Variants in NUP98 observed in about 807,000 individuals in gnomAD.
NUP98 encodes nucleoporin 98 and 96 precursor.
NUP98 carries 26 observed loss-of-function variants against 191.9 expected under a neutral mutation model. That is an observed-to-expected ratio of 0.14 (90% confidence interval 0.10 to 0.19). The LOEUF (loss-of-function observed/expected upper bound fraction) is 0.19. Ranked by LOEUF, NUP98 falls within the 10% of genes least tolerant of loss-of-function variation. The pLI, the probability that NUP98 is intolerant of heterozygous loss-of-function variation, is 1.00. For synonymous variants in NUP98, 808 were observed against 778.4 expected, an observed-to-expected ratio of 1.04 and a Z score of -0.63; for missense variants, 1,941 against 2,178.8, an observed-to-expected ratio of 0.89 and a Z score of 2.17.
rs556092922 is a variant in NUP98, at chr11:3,785,570, C to T, written c.-28-3425G>A. Among the ~76,000 whole-genome samples the T allele has an allele frequency of 9.2e-4, 140 of 152,246 alleles. 2 individuals are homozygous for T. The highest frequency in any genetic ancestry group is 3.4e-3 in the Middle Eastern group (1 of 294). ...GGCCAAGAGTTTGAGACCAGCTTGG[C>T]CAACATGGCAAAACCCCGCCTCTAC... On this transcript the variant is annotated intron_variant, in intron 1 of 32. Coordinates refer to ENST00000324932, the MANE Select transcript of NUP98 (RefSeq NM_016320.5).
At chr11:3,756,603 A>G (rs995767605) in intron 10 of NUP98, among the ~76,000 whole-genome samples, 2 of 133,670 alleles carry the variant, frequency 1.5e-5, no homozygotes, top group South Asian at 2.7e-4. Context: ...TTGTGTTTTT[A>G]GTAGAAATGG....
At chr11:3,688,243 G>A (rs972617589) in intron 28 of NUP98, among the ~76,000 whole-genome samples, 16 of 151,794 alleles carry the variant, frequency 1.1e-4, no homozygotes, top group Admixed American at 4.6e-4. Flanking sequence ...GTGAAACCCC[G>A]TCTCTACTAA....
At chr11:3,700,950 A>C in intron 23 of NUP98, 111 bp from the exon 24 acceptor site, 1 of 734,216 alleles carries the variant, frequency 1.4e-6, no homozygotes, top group Non-Finnish European at 2.2e-6. Flanking sequence ...GAATGCAAAC[A>C]TTTCACTGTA....
intron 11 of NUP98, among the ~76,000 whole-genome samples, chr11:3,748,848 G>C (rs996291628): frequency 2.0e-5 from 3 of 151,802 alleles, no homozygotes; most frequent in Non-Finnish European, 4.4e-5. Flanking sequence ...CAAAATGAGA[G>C]CTTTTGTTTT....
At chr11:3,736,626 TCAAA>T (rs1180195510) in intron 12 of NUP98, among the ~76,000 whole-genome samples, 28 of 152,276 alleles carry the variant, frequency 1.8e-4, no homozygotes, top group Admixed American at 1.0e-3. Flanking sequence ...AGACTCTGCC[TCAAA>T]CAAACAAACA....
chr11:3,758,006 GGGAA>G (rs2081036200), intron 10 of NUP98, among the ~76,000 whole-genome samples: 1 of 151,490 alleles, frequency 6.6e-6, no homozygotes, highest in Admixed American at 6.6e-5. Context: ...AAAATCTCAG[GGGAA>G]GGGAGATGAT....
intron 25 of NUP98, among the ~76,000 whole-genome samples, chr11:3,698,651 CAGG>C (rs1564816996): frequency 7.0e-6 from 1 of 143,828 alleles, no homozygotes; most frequent in Non-Finnish European, 1.5e-5. Context: ...CGCTTGAACC[CAGG>C]AGGAGGAGGT....
chr11:3,696,926 TA>T (rs1166562557), intron 25 of NUP98: 1 of 152,092 alleles, frequency 6.6e-6, no homozygotes, highest in African/African-American at 2.4e-5. Flanking sequence ...ACAGTCAAAA[TA>T]AACAGGAAGA....
chr11:3,703,372 T>A (rs1263848556), intron 22 of NUP98, among the ~76,000 whole-genome samples: 1 of 151,956 alleles, frequency 6.6e-6, no homozygotes, highest in East Asian at 1.9e-4. Context: ...CCCGCCACCA[T>A]GCCTGGCTAA....
intron 8 of NUP98, among the ~76,000 whole-genome samples, chr11:3,768,349 A>C (rs888406806): frequency 2.0e-5 from 3 of 150,088 alleles, no homozygotes; most frequent in African/African-American, 7.4e-5. Context: ...TGAACCTGGG[A>C]GGCGGAGCTT....
At chr11:3,791,198 C>A (rs1196603925) in intron 1 of NUP98, among the ~76,000 whole-genome samples, 1 of 151,918 alleles carries the variant, frequency 6.6e-6, no homozygotes, top group East Asian at 2.0e-4. Flanking sequence ...CCCCGCCCAC[C>A]ATTTTAATTT....
intron 20 of NUP98, 193 bp downstream of exon 20, chr11:3,712,363 GAATTCTTT>G: frequency 7.2e-7 from 1 of 1,381,644 alleles, no homozygotes. Flanking sequence ...AACAGCAAGA[GAATTCTTT>G]AAATCTCTCC....
At chr11:3,743,382 C>G (rs1490062284) in intron 12 of NUP98, among the ~76,000 whole-genome samples, 1 of 149,692 alleles carries the variant, frequency 6.7e-6, no homozygotes, top group Non-Finnish European at 1.5e-5. Context: ...CGTGGTGGCT[C>G]ACGCCTCTAA....
rs575767894 is a variant in NUP98 at position 3,700,539 on chromosome 11, T to A, written c.3742+71A>T. ...TACTAGACTGGTGCCAGGAAATTCA[T>A]CCTCCCGTGAACATACGCTACCACC... On this transcript the variant is annotated intron_variant, in intron 24 of 32. Transcript: ENST00000324932. 85 of 1,065,170 alleles carry A rather than the reference T, an allele frequency of 8.0e-5. No individual in the cohort carries two copies. The South Asian group carries it at 1.3e-3, about 17-fold the overall frequency. The allele number at this position is 1,065,170 out of a possible 1,614,324, so 66.0% of individuals were successfully genotyped here.
chr11:3,729,183 T>A (rs999705525), intron 14 of NUP98, among the ~76,000 whole-genome samples: 2 of 152,018 alleles, frequency 1.3e-5, no homozygotes, highest in African/African-American at 4.8e-5. Flanking sequence ...TTTAAAGCCA[T>A]GAGAATAAAT....
chr11:3,762,972 G>A lies in NUP98; in HGVS notation c.1016C>T (p.Thr339Ile), dbSNP rs750238651. The change falls in exon 9 of 33, where the codon ACT becomes ATT. Residue 339 changes from threonine (T) to isoleucine (I), a missense_variant. Transcript: ENST00000324932. ...GLFGTATNTSTGTAFGTGTGL... is the reference protein window; with the variant it reads ...GLFGTATNTSIGTAFGTGTGL... Reference sequence around the variant, plus strand: ...TGTTCCTGTTCCAAATGCTGTCCCAGTGCTGGTGTTTGTAGCTGTCCCAAA... The same window carrying A: ...TGTTCCTGTTCCAAATGCTGTCCCAATGCTGGTGTTTGTAGCTGTCCCAAA... The A allele has an allele frequency of 1.2e-6, 2 of 1,614,008 alleles. No individual in the cohort carries two copies. The highest frequency in any genetic ancestry group is 2.7e-5 in the African/African-American group (2 of 74,912).
intron 12 of NUP98, among the ~76,000 whole-genome samples, chr11:3,743,315 C>T (rs1015799884): frequency 6.6e-6 from 1 of 150,624 alleles, no homozygotes; most frequent in African/African-American, 2.4e-5. Flanking sequence ...CCAGGTCCAG[C>T]CCATAATTTT....
intron 1 of NUP98, among the ~76,000 whole-genome samples, chr11:3,788,520 G>C (rs1420810930): frequency 6.6e-6 from 1 of 152,090 alleles, no homozygotes; most frequent in African/African-American, 2.4e-5. Flanking sequence ...GAACCTGGGA[G>C]GTGGAGGTTG....
chr11:3,676,704 AAAC>A, intron 31 of NUP98, 84 bp from the exon 32 acceptor site: 1 of 1,083,778 alleles, frequency 9.2e-7, no homozygotes, highest in Non-Finnish European at 1.4e-6. Context: ...CAAAACCTTG[AAAC>A]AACAGTGAGG....
Sources: gnomAD v4.1 joint callset for allele counts (sites outside exome capture counted in the v4.1 genomes callset) on GRCh38, gnomAD v4.1.1 for gene constraint, MANE v1.5 for transcripts, NCBI Gene and HGNC (gene_info 2026-07-23, HGNC 2026-07-21) for gene names.